Variants in PRH1 observed in about 807,000 individuals in gnomAD.
The protein encoded by PRH1 is proline rich protein HaeIII subfamily 1.
A neutral mutation model predicts 7.9 loss-of-function variants in PRH1; 7 were observed. That is an observed-to-expected ratio of 0.89 (90% CI 0.50 to 1.67). PRH1 has a LOEUF of 1.67. Ranked by LOEUF, PRH1 falls within the 40% of genes most tolerant of loss-of-function variation. PRH1 has a pLI of 0.00. For missense variants in PRH1, 109 were observed against 223.6 expected (o/e 0.49, Z 3.27); for synonymous variants, 45 against 80.8 (o/e 0.56, Z 2.38).
intron 1 of PRH1, 124 bp downstream of exon 1, chr12:10,884,030 G>T: frequency 1.8e-6 from 2 of 1,132,292 alleles, no homozygotes; most frequent in Non-Finnish European, 2.6e-6. Flanking sequence ...CTGATCCTCA[G>T]CATGAGAACT....
intron 1 of PRH1, chr12:11,021,927 T>C (rs759361007): frequency 2.5e-6 from 4 of 1,614,106 alleles, no homozygotes; most frequent in Non-Finnish European, 3.4e-6. Flanking sequence ...GATCTTGAGA[T>C]CCTTTGCTAT....
At chr12:11,105,853 G>C (rs891367137) in intron 1 of PRH1, among the ~76,000 whole-genome samples, 13 of 152,094 alleles carry the variant, frequency 8.5e-5, no homozygotes, top group African/African-American at 3.1e-4. Flanking sequence ...CCTACCAAAA[G>C]GATTCAAGTT....
At chr12:10,969,647 G>GT (rs988691188) in intron 2 of PRH1, among the ~76,000 whole-genome samples, 14 of 151,106 alleles carry the variant, frequency 9.3e-5, no homozygotes, top group Non-Finnish European at 1.8e-4. Flanking sequence ...CTGTTTTTTT[G>GT]TTTTTTTGCA....
intron 2 of PRH1, chr12:10,891,613 C>T (rs928542225): frequency 3.9e-5 from 6 of 152,004 alleles, no homozygotes; most frequent in South Asian, 2.1e-4. Flanking sequence ...GTTCCATCCT[C>T]GTTGCCAAAA....
upstream of PRH1, among the ~76,000 whole-genome samples, chr12:10,886,564 A>G (rs1076443): frequency 0.5 from 76,777 of 152,036 alleles, 21,587 homozygotes; most frequent in East Asian, 0.73. Flanking sequence ...CTGTGAGTGA[A>G]GGTGGGTGAA....
intron 2 of PRH1, among the ~76,000 whole-genome samples, chr12:10,970,611 C>T (rs1938765024): frequency 6.6e-6 from 1 of 150,788 alleles, no homozygotes; most frequent in African/African-American, 2.4e-5. Context: ...GTTGCCCAGG[C>T]TGGAGTGCAA....
At chr12:10,918,390 A>G (rs1016159966) in intron 2 of PRH1, among the ~76,000 whole-genome samples, 10 of 152,128 alleles carry the variant, frequency 6.6e-5, no homozygotes, top group African/African-American at 2.4e-4. Flanking sequence ...AATAAATAAT[A>G]CATTTTTAAA....
intron 1 of PRH1, among the ~76,000 whole-genome samples, chr12:11,123,089 A>G (rs1216498222): frequency 1.3e-5 from 2 of 152,184 alleles, no homozygotes; most frequent in African/African-American, 2.4e-5. Flanking sequence ...GTGCAATCCT[A>G]TATGTCCTTA....
chr12:10,984,886 A>C (rs1408972749), intron 1 of PRH1, among the ~76,000 whole-genome samples: 1 of 152,054 alleles, frequency 6.6e-6, no homozygotes. Context: ...CATAGATTTC[A>C]TAGATGCCAT....
chr12:11,066,955 T>C (rs1215190977), intron 1 of PRH1, among the ~76,000 whole-genome samples: 1 of 152,166 alleles, frequency 6.6e-6, no homozygotes, highest in African/African-American at 2.4e-5. Flanking sequence ...TTGGGGCTTT[T>C]TGGGCATTTT....
chr12:11,024,876 A>C (rs970917046), intron 1 of PRH1, among the ~76,000 whole-genome samples: 11 of 152,212 alleles, frequency 7.2e-5, no homozygotes, highest in African/African-American at 2.4e-4. Flanking sequence ...AGTTTGACTA[A>C]ATTTATTCCT....
chr12:11,162,872 C>T (rs1389930018), intron 1 of PRH1, among the ~76,000 whole-genome samples: 2 of 152,080 alleles, frequency 1.3e-5, no homozygotes, highest in East Asian at 1.9e-4. Context: ...TTAATATTTG[C>T]GAAGACTTCT....
chr12:10,992,425 CAG>C (rs1939979470), intron 1 of PRH1, among the ~76,000 whole-genome samples: 1 of 151,954 alleles, frequency 6.6e-6, no homozygotes. Context: ...TTTTTAGAGA[CAG>C]AGTCTTGTTT....
intron 2 of PRH1, chr12:10,909,082 G>C: frequency 6.2e-7 from 1 of 1,612,814 alleles, no homozygotes; most frequent in Non-Finnish European, 8.5e-7. Context: ...AATATGGCTA[G>C]ATAATGCAGA....
At position 11,165,911 on chromosome 12, in the gene PRH1, A is replaced by G. The variant is rs1389306225; in HGVS notation, n.39+5511T>C. On this transcript the variant is annotated intron_variant and non_coding_transcript_variant, in intron 1 of 1. Transcript: ENST00000541175. The stretch of plus-strand genomic sequence containing the variant: ...CTTTCTACACTTGTGTCCCTCTCCC[A>G]GTATAGTGGCATTGCTTGTTAATCA... Among the ~76,000 whole-genome samples the G allele has an allele frequency of 3.3e-5, 5 of 152,346 alleles. No homozygotes were observed. The South Asian group carries it at 1.0e-3, about 32-fold the overall frequency.
At chr12:11,067,938 A>C (rs903483388) in intron 1 of PRH1, among the ~76,000 whole-genome samples, 1 of 152,190 alleles carries the variant, frequency 6.6e-6, no homozygotes, top group Non-Finnish European at 1.5e-5. Flanking sequence ...TTATTCAGCA[A>C]ATACTCTAAT....
chr12:11,169,172 A>G (rs911051372), intron 1 of PRH1, among the ~76,000 whole-genome samples: 2 of 152,212 alleles, frequency 1.3e-5, no homozygotes, highest in African/African-American at 2.4e-5. Context: ...GCCATTTCCA[A>G]TCATGAATTT....
At chr12:11,048,003 A>C (rs977266155), upstream of PRH1, among the ~76,000 whole-genome samples, 2 of 151,334 alleles carry the variant, frequency 1.3e-5, no homozygotes, top group Admixed American at 1.3e-4. Context: ...TTATAAATAG[A>C]GGTAATAAAT....
intron 1 of PRH1, among the ~76,000 whole-genome samples, chr12:11,111,202 T>C (rs923932035): frequency 1.3e-5 from 2 of 152,174 alleles, no homozygotes; most frequent in African/African-American, 4.8e-5. Flanking sequence ...ACAATAATAG[T>C]GAGAGACTTT....
Sources: gnomAD v4.1 joint callset for allele counts (sites outside exome capture counted in the v4.1 genomes callset) on GRCh38, gnomAD v4.1.1 for gene constraint, MANE v1.5 for transcripts, NCBI Gene and HGNC (gene_info 2026-07-23, HGNC 2026-07-21) for gene names.